The following TTLL2 variants were observed in gnomAD, a reference collection of about 807,000 sequenced individuals.
TTLL2 encodes tubulin tyrosine ligase like 2.
Under a neutral mutation model 7.5 loss-of-function variants are expected in TTLL2, and 10 were observed. That is an observed-to-expected ratio of 1.33 (90% CI 0.82 to 2.25). The LOEUF (loss-of-function observed/expected upper bound fraction) is 2.25. Ranked by LOEUF, TTLL2 falls within the 30% of genes most tolerant of loss-of-function variation. The pLI is 0.00. For synonymous variants in TTLL2, 284 were observed against 280.3 expected, an observed-to-expected ratio of 1.01 and a Z score of -0.13; for missense variants, 733 against 735.7, an observed-to-expected ratio of 1.00 and a Z score of 0.04.
In TTLL2 at chr6:167,341,211, C is replaced by A. The variant is rs201555411; in HGVS notation, c.1311C>A (p.Ile437=). Residue 437 remains isoleucine, a synonymous_variant, in exon 3 of 3, where the codon ATC becomes ATA. Coordinates refer to ENST00000239587, the MANE Select transcript of TTLL2 (RefSeq NM_031949.5). Reference sequence around the variant, plus strand: ...ATGCCACACATGGAAATTCCAACATCGACGCTGCAAAAAGTGACAGAGGTG... The same window carrying A: ...ATGCCACACATGGAAATTCCAACATAGACGCTGCAAAAAGTGACAGAGGTG... ...ASNATHGNSN[I]DAAKSDRGGL... is the part of the protein sequence containing the mutation. 1 of 1,613,590 alleles carries A rather than the reference C, an allele frequency of 6.2e-7. No individual in the cohort carries two copies.
intron 1 of TTLL2, among the ~76,000 whole-genome samples, chr6:167,334,800 A>C (rs1778965139): frequency 1.5e-5 from 1 of 66,926 alleles, no homozygotes; most frequent in African/African-American, 6.8e-5. Flanking sequence ...CCTTCCTTAC[A>C]CCTTATACAA....
chr6:167,325,591 C>G (rs2115204983), intron 1 of TTLL2, among the ~76,000 whole-genome samples: 1 of 152,252 alleles, frequency 6.6e-6, no homozygotes, highest in South Asian at 2.1e-4. Context: ...CTGAATTCAA[C>G]CAAAGCCGAT....
chr6:167,339,911 A>C (rs900036411), intron 2 of TTLL2, among the ~76,000 whole-genome samples, 194 bp from the exon 3 acceptor site: 2 of 152,184 alleles, frequency 1.3e-5, no homozygotes, highest in African/African-American at 4.8e-5. Flanking sequence ...TCCCAGGACA[A>C]GATGGATTTA....
chr6:167,340,307 A>G lies in TTLL2; in HGVS notation c.407A>G (p.Asn136Ser). 6.2e-7 allele frequency: 1 copy of G among 1,614,174 alleles called. No homozygotes were observed. Among genetic ancestry groups the G allele is most frequent in the Non-Finnish European group, 8.5e-7 (1 of 1,180,028 alleles). Residue 136 changes from asparagine (N) to serine (S), a missense_variant, in exon 3 of 3, where the codon AAC (asparagine) becomes AGC (serine). Coordinates refer to ENST00000239587, the MANE Select transcript of TTLL2 (RefSeq NM_031949.5). ...TCCTCTTTCCGAATGACCGAACACA[A>G]CAGTGTTAAACCGTGGCAGCAGCTA... ...RTSSFRMTEH[N>S]SVKPWQQLNH...
chr6:167,336,006 C>T (rs976164204), intron 1 of TTLL2, among the ~76,000 whole-genome samples: 18 of 150,988 alleles, frequency 1.2e-4, no homozygotes, highest in Non-Finnish European at 2.2e-4. Flanking sequence ...AAAAGAAATT[C>T]AATTTAATAG....
intron 1 of TTLL2, among the ~76,000 whole-genome samples, chr6:167,330,476 G>A (rs2115211206): frequency 6.6e-6 from 1 of 152,108 alleles, no homozygotes; most frequent in East Asian, 1.9e-4. Context: ...CAGGAGAATC[G>A]CTTGAACCAG....
At chr6:167,332,239 G>A (rs910259353) in intron 1 of TTLL2, among the ~76,000 whole-genome samples, 1 of 152,236 alleles carries the variant, frequency 6.6e-6, no homozygotes, top group East Asian at 1.9e-4. Flanking sequence ...GTTACAGCAC[G>A]GGGTTTGCCT....
chr6:167,334,429 G>C (rs1200448318), intron 1 of TTLL2, among the ~76,000 whole-genome samples: 1 of 151,428 alleles, frequency 6.6e-6, no homozygotes, highest in Non-Finnish European at 1.5e-5. Context: ...TGTTGATTTG[G>C]GGTGGAGAGT....
chr6:167,327,975 G>C, intron 1 of TTLL2: 1 of 456,110 alleles, frequency 2.2e-6, no homozygotes, highest in Non-Finnish European at 4.4e-6. Context: ...CCCTCTCCTT[G>C]ACCCCAAAAT....
At position 167,341,017 on chromosome 6, in the gene TTLL2, G is replaced by C; in HGVS notation, c.1117G>C (p.Asp373His). Reference protein sequence around the residue: ...AANCFELFGFDILIDDNLKPW... With the variant: ...AANCFELFGFHILIDDNLKPW... ...CAATTGCTTTGAGCTCTTTGGGTTTGATATTTTGATTGATGACAACTTGAA... is the reference window on the plus strand; with the variant it reads ...CAATTGCTTTGAGCTCTTTGGGTTTCATATTTTGATTGATGACAACTTGAA... Residue 373 changes from aspartate to histidine, a missense_variant, in exon 3 of 3, where the codon GAT becomes CAT. By Grantham distance (81) the Asp-to-His change is moderately conservative. Coordinates refer to ENST00000239587, the MANE Select transcript of TTLL2 (RefSeq NM_031949.5). 1.2e-6 allele frequency: 2 copies of C among 1,614,080 alleles called. No individual in the cohort carries two copies. The highest frequency in any genetic ancestry group is 1.6e-4 in the Middle Eastern group (1 of 6,062).
intron 2 of TTLL2, among the ~76,000 whole-genome samples, chr6:167,339,724 TGACATTCGTG>T (rs977074583): frequency 6.6e-6 from 1 of 152,230 alleles, no homozygotes; most frequent in African/African-American, 2.4e-5. Flanking sequence ...AAATGAAAGT[TGACATTCGTG>T]TTTTGTTCTT....
chr6:167,336,142 C>G (rs1321818056), intron 1 of TTLL2, among the ~76,000 whole-genome samples: 1 of 151,942 alleles, frequency 6.6e-6, no homozygotes, highest in Non-Finnish European at 1.5e-5. Flanking sequence ...GAACTGTTTC[C>G]TTTCCTTCCT....
chr6:167,325,863 G>A (rs904282866), intron 1 of TTLL2, among the ~76,000 whole-genome samples: 5 of 152,154 alleles, frequency 3.3e-5, no homozygotes, highest in African/African-American at 4.8e-5. Flanking sequence ...GGGCTCTAGG[G>A]GCATTTGAGG....
At chr6:167,331,223 T>G (rs1367254032) in intron 1 of TTLL2, among the ~76,000 whole-genome samples, 1 of 152,230 alleles carries the variant, frequency 6.6e-6, no homozygotes, top group Non-Finnish European at 1.5e-5. Context: ...AGCATATCTA[T>G]TGTCTCAAAT....
intron 1 of TTLL2, among the ~76,000 whole-genome samples, chr6:167,334,356 C>T (rs917422510): frequency 4.8e-5 from 7 of 146,710 alleles, no homozygotes; most frequent in Non-Finnish European, 1.0e-4. Flanking sequence ...GAGAGCTTTA[C>T]TTCCAACTAT....
At chr6:167,328,403 C>G (rs1389413026) in intron 1 of TTLL2, 1 of 288,022 alleles carries the variant, frequency 3.5e-6, no homozygotes, top group African/African-American at 2.2e-5. Flanking sequence ...AAAGGGGGCT[C>G]TTCCCCCTTC....
Position 167,341,459 on chromosome 6 carries a change from C to T in TTLL2, c.1559C>T (p.Thr520Ile), listed in dbSNP as rs770553273. 15 of 1,613,918 alleles carry T rather than the reference C, an allele frequency of 9.3e-6. No homozygotes were observed. The highest frequency in any genetic ancestry group is 1.2e-5 in the Non-Finnish European group (14 of 1,180,002). Residue 520 changes from threonine to isoleucine, a missense_variant, in exon 3 of 3, where the codon ACA becomes ATA. By Grantham distance (89) the Thr-to-Ile change is moderately conservative (BLOSUM62 -1). Coordinates refer to ENST00000239587, the MANE Select transcript of TTLL2 (RefSeq NM_031949.5). ...CGGAGCAGGCACACGCCTCACAAGACACTCATGCCCTACGCGTCCCTCTTC... is the reference window on the plus strand; with the variant it reads ...CGGAGCAGGCACACGCCTCACAAGATACTCATGCCCTACGCGTCCCTCTTC... ...KLRSRHTPHKTLMPYASLFQS... is the reference protein window; with the variant it reads ...KLRSRHTPHKILMPYASLFQS...
At chr6:167,337,847 G>A (rs763282059) in intron 1 of TTLL2, among the ~76,000 whole-genome samples, 6 of 145,606 alleles carry the variant, frequency 4.1e-5, no homozygotes, top group East Asian at 4.2e-4. Flanking sequence ...GACATGCAAC[G>A]CACCACACAC....
At chr6:167,336,294 T>A (rs1046605191) in intron 1 of TTLL2, among the ~76,000 whole-genome samples, 3 of 151,962 alleles carry the variant, frequency 2.0e-5, no homozygotes, top group Admixed American at 2.0e-4. Context: ...TTTCTCCACA[T>A]CCTCGCCAGC....
Sources: gnomAD v4.1 joint callset for allele counts (sites outside exome capture counted in the v4.1 genomes callset) on GRCh38, gnomAD v4.1.1 for gene constraint, MANE v1.5 for transcripts, NCBI Gene and HGNC (gene_info 2026-07-23, HGNC 2026-07-21) for gene names.